Variants in HK2 observed in about 807,000 individuals in gnomAD.
HK2 encodes the protein hexokinase-2.
HK2 carries 42 observed loss-of-function variants against 92.9 expected under a neutral mutation model. The observed-to-expected ratio is 0.45, with a 90% CI of 0.35 to 0.58. The LOEUF (loss-of-function observed/expected upper bound fraction) is 0.58, where lower values mean the gene tolerates loss of function less well. Ranked by LOEUF, HK2 falls within the 20% of genes least tolerant of loss-of-function variation. The pLI, the probability that HK2 is intolerant of heterozygous loss-of-function variation, is 0.00. For missense variants in HK2, 978 were observed against 1,245.1 expected, an observed-to-expected ratio of 0.79 and a Z score of 3.23; for synonymous variants, 422 against 468.0, an observed-to-expected ratio of 0.90 and a Z score of 1.27.
At chr2:74,867,897 T>A in intron 3 of HK2, 113 bp downstream of exon 3, 1 of 1,222,872 alleles carries the variant, frequency 8.2e-7, no homozygotes, top group Non-Finnish European at 1.2e-6. Flanking sequence ...CCCAAGACAC[T>A]CATGGATGCC....
intron 5 of HK2, 46 bp from the exon 6 acceptor site, chr2:74,873,798 C>A (rs370256389): frequency 1.5e-6 from 2 of 1,335,176 alleles, no homozygotes; most frequent in Admixed American, 3.4e-5. Flanking sequence ...AGGAAAGTCG[C>A]CCTCTGTGAT....
At position 74,840,711 on chromosome 2, in the gene HK2, C is replaced by CA. The variant is rs34885061; in HGVS notation, c.63+6086dup. Among the ~76,000 whole-genome samples the CA allele has an allele frequency of 3.9e-3, 505 of 129,190 alleles. 1 individual carries two copies. Among genetic ancestry groups the CA allele is most frequent in the East Asian group, 0.015 (66 of 4,304 alleles). The allele number at this position is 129,190 out of a possible 152,430, so 84.8% of individuals were successfully genotyped here. Reference sequence around the variant, plus strand: ...TGAAACCCCGTCTCTACTAAAAATACAAAAAAAAAAAAAAAAAATTAGCCG... The same window carrying CA: ...TGAAACCCCGTCTCTACTAAAAATACAAAAAAAAAAAAAAAAAAATTAGCCG... On this transcript the variant is annotated intron_variant, in intron 1 of 17. Transcript: ENST00000290573.
Position 74,880,589 on chromosome 2 carries a change from C to G in HK2, c.1570+20C>G, listed in dbSNP as rs768276966. On this transcript the variant is annotated intron_variant, in intron 10 of 17. Transcript: ENST00000290573. ...GCACAGGTACACGGCAGGGTTGCCA[C>G]CTGGCTCACATGGTGGGCCTTTGTC... 1 of 1,610,356 alleles carries G rather than the reference C, an allele frequency of 6.2e-7. No individual in the cohort carries two copies. The highest frequency in any genetic ancestry group is 8.5e-7 in the Non-Finnish European group (1 of 1,177,660).
chr2:74,840,212 C>T (rs1341002722), intron 1 of HK2, among the ~76,000 whole-genome samples: 2 of 150,920 alleles, frequency 1.3e-5, no homozygotes, highest in African/African-American at 4.9e-5. Context: ...CTGCCTAGGC[C>T]TCCCAAAGTA....
At chr2:74,861,165 C>T (rs1375115588) in intron 2 of HK2, among the ~76,000 whole-genome samples, 5 of 152,222 alleles carry the variant, frequency 3.3e-5, no homozygotes, top group Admixed American at 6.5e-5. Flanking sequence ...CGGTGGCTTA[C>T]GCCTGTAATC....
At chr2:74,877,065 T>A (rs962656322) in intron 7 of HK2, 101 bp from the exon 8 acceptor site, 4 of 1,482,406 alleles carry the variant, frequency 2.7e-6, no homozygotes, top group Middle Eastern at 2.4e-4. Flanking sequence ...ACATTAACCC[T>A]TAGTTGTGAA....
intron 2 of HK2, among the ~76,000 whole-genome samples, chr2:74,854,827 G>C (rs1354603631): frequency 6.6e-6 from 1 of 152,202 alleles, no homozygotes; most frequent in Non-Finnish European, 1.5e-5. Context: ...GTAGGCCGTG[G>C]GAGCCGCTCT....
chr2:74,882,621 A>ATATATATATATATATATATATG (rs1397815279), intron 12 of HK2, among the ~76,000 whole-genome samples: 5 of 138,352 alleles, frequency 3.6e-5, no homozygotes, highest in African/African-American at 1.3e-4. Context: ...ATATATATAT[A>ATATATATATATATATATATATG]GCATTTTTAA....
chr2:74,881,613 T>C lies in HK2; in HGVS notation c.1571-98T>C. 3 of 1,234,302 alleles carry C rather than the reference T, an allele frequency of 2.4e-6. No homozygotes were observed. The South Asian group carries it at 3.7e-5, about 15-fold the overall frequency. The allele number at this position is 1,234,302 out of a possible 1,614,324, so 76.5% of individuals were successfully genotyped here. Reference sequence around the variant, plus strand: ...GAATGTAATATAAAGTGGCATTTGATGGAACAGGAATGGTGTATTTGGATC... The same window carrying C: ...GAATGTAATATAAAGTGGCATTTGACGGAACAGGAATGGTGTATTTGGATC... On this transcript the variant is annotated intron_variant, in intron 10 of 17. Coordinates refer to ENST00000290573, the MANE Select transcript of HK2 (RefSeq NM_000189.5).
intron 1 of HK2, among the ~76,000 whole-genome samples, chr2:74,843,622 A>G (rs1003507665): frequency 2.0e-5 from 3 of 151,894 alleles, no homozygotes; most frequent in Admixed American, 2.0e-4. Context: ...CCTCCTGCCC[A>G]CTCAGCCTTC....
At chr2:74,878,432 T>TGTGTGCGCGCACGCACATGCGTGTGC (rs1558801837) in intron 8 of HK2, among the ~76,000 whole-genome samples, 23 of 150,670 alleles carry the variant, frequency 1.5e-4, no homozygotes, top group African/African-American at 5.5e-4. Context: ...TGTGTGTGTG[T>TGTGTGCGCGCACGCACATGCGTGTGC]GTGTGTGCGC....
At chr2:74,873,218 GT>G in intron 4 of HK2, 57 bp from the exon 5 acceptor site, 3 of 1,239,870 alleles carry the variant, frequency 2.4e-6, no homozygotes, top group Non-Finnish European at 3.6e-6. Flanking sequence ...TTTGAGGGGT[GT>G]GGTGTGAGTT....
intron 4 of HK2, among the ~76,000 whole-genome samples, chr2:74,872,991 C>G (rs114127620): frequency 0.014 from 2,109 of 152,332 alleles, 53 homozygotes; most frequent in African/African-American, 0.046. Context: ...ATCTGTGTAT[C>G]TAACTAGGCA....
At chr2:74,859,265 T>C (rs1178375929) in intron 2 of HK2, among the ~76,000 whole-genome samples, 1 of 152,236 alleles carries the variant, frequency 6.6e-6, no homozygotes, top group African/African-American at 2.4e-5. Context: ...CTAGTTACTA[T>C]GTATGCTGAA....
intron 2 of HK2, among the ~76,000 whole-genome samples, chr2:74,855,587 G>C (rs1688676851): frequency 6.6e-6 from 1 of 152,200 alleles, no homozygotes; most frequent in African/African-American, 2.4e-5. Flanking sequence ...TCAGGCAGGG[G>C]AAAAAGGATC....
At chr2:74,844,486 TGA>T (rs1274592689) in intron 1 of HK2, among the ~76,000 whole-genome samples, 1 of 152,184 alleles carries the variant, frequency 6.6e-6, no homozygotes, top group East Asian at 1.9e-4. Flanking sequence ...AGGTGTAAAC[TGA>T]GATTGTCTTG....
At chr2:74,873,449 C>T in intron 5 of HK2, 78 bp downstream of exon 5, 2 of 947,640 alleles carry the variant, frequency 2.1e-6, no homozygotes, top group South Asian at 2.7e-5. Flanking sequence ...GTCCTTGACT[C>T]ATCATTGTTT....
At position 74,878,893 on chromosome 2, in the gene HK2, G is replaced by T. The variant is rs768495060; in HGVS notation, c.1237G>T (p.Asp413Tyr). ...GCGGCTGCGCTCTACTATTGGGGTC[G>T]ACGGTTCCGTCTACAAGAAACACCC... Reference protein sequence around the residue: ...EERLRSTIGVDGSVYKKHPHF... With the variant: ...EERLRSTIGVYGSVYKKHPHF... Residue 413 changes from aspartate (D) to tyrosine (Y), a missense_variant, in exon 9 of 18, where the codon GAC becomes TAC. Coordinates refer to ENST00000290573, the MANE Select transcript of HK2 (RefSeq NM_000189.5). 1 of 1,551,528 alleles carries T rather than the reference G, an allele frequency of 6.4e-7. No homozygotes were observed. The highest frequency in any genetic ancestry group is 8.7e-7 in the Non-Finnish European group (1 of 1,147,046).
In HK2 at chr2:74,854,282, T is replaced by G; in HGVS notation, c.64-11T>G. ...CCAGTGGTTTCTGCTCTTGTCTTCC[T>G]CCTTTTTCAGGTTGACCAGTATCTC... is the stretch of plus-strand genomic sequence containing the variant. On this transcript the variant is annotated splice_polypyrimidine_tract_variant and intron_variant, in intron 1 of 17. Transcript: ENST00000290573. 6.2e-7 allele frequency: 1 copy of G among 1,612,150 alleles called. No individual in the cohort carries two copies. The highest frequency in any genetic ancestry group is 1.1e-5 in the South Asian group (1 of 90,998).
Sources: gnomAD v4.1 joint callset for allele counts (sites outside exome capture counted in the v4.1 genomes callset) on GRCh38, gnomAD v4.1.1 for gene constraint, MANE v1.5 for transcripts, NCBI Gene and HGNC (gene_info 2026-07-23, HGNC 2026-07-21) for gene names.